The following TVP23A variants were observed in gnomAD, a reference collection of about 807,000 sequenced individuals.
TVP23A encodes the protein Golgi apparatus membrane protein TVP23 homolog A.
A neutral mutation model predicts 31.7 loss-of-function variants in TVP23A; 21 were observed. The ratio of observed to expected loss-of-function variants is 0.66; its 90% CI spans 0.47 to 0.95. The LOEUF is 0.95. Among genes scored for constraint, TVP23A ranks in the 40% least tolerant of loss-of-function variants. TVP23A has a pLI of 0.00. For missense variants in TVP23A, 279 were observed against 255.6 expected (o/e 1.09, Z -0.62); for synonymous variants, 104 against 96.0 (o/e 1.08, Z -0.49).
At position 10,768,058 on chromosome 16, in the gene TVP23A, G is replaced by A. The variant is rs929615014; in HGVS notation, c.*1044C>T. The A allele has an allele frequency of 1.7e-5, 27 of 1,602,298 alleles. No individual in the cohort carries two copies. The highest frequency in any genetic ancestry group is 2.7e-5 in the African/African-American group (2 of 74,610). On this transcript the variant is annotated 3_prime_UTR_variant, in exon 8 of 8. Coordinates refer to ENST00000299866, the MANE Select transcript of TVP23A (RefSeq NM_001079512.4). The surrounding 1 kb of genome is among the most constrained non-coding windows in gnomAD (Gnocchi z 4.3). ...GTAAGTATTTCCATGAGTACTAAAT[G>A]CAGATGCCTGTGGGGCAGGAAGCAA... is the stretch of plus-strand genomic sequence containing the variant.
Position 10,779,918 on chromosome 16 carries a change from G to T in TVP23A, c.90-4822C>A, listed in dbSNP as rs1031294619. On this transcript the variant is annotated intron_variant, in intron 2 of 7. Coordinates refer to ENST00000299866, the MANE Select transcript of TVP23A (RefSeq NM_001079512.4). The surrounding 1 kb of genome is among the most constrained non-coding windows in gnomAD (Gnocchi z 4.9). ...AGCCTGGCCAACATGGCAAAACTCC[G>T]GCTCTAATAAAAATACAAAAATTAG... Among the ~76,000 whole-genome samples the T allele has an allele frequency of 1.3e-5, 2 of 152,008 alleles. No homozygotes were observed. The highest frequency in any genetic ancestry group is 2.4e-5 in the African/African-American group (1 of 41,358).
intron 2 of TVP23A, among the ~76,000 whole-genome samples, chr16:10,783,720 T>C (rs2032563991): frequency 6.6e-6 from 1 of 151,960 alleles, no homozygotes; most frequent in Admixed American, 6.6e-5. Flanking sequence ...GGATAAACCA[T>C]GGTACATCCA....
intron 2 of TVP23A, among the ~76,000 whole-genome samples, chr16:10,813,233 C>T (rs1440446863): frequency 6.6e-6 from 1 of 152,244 alleles, no homozygotes; most frequent in Non-Finnish European, 1.5e-5. Context: ...ATTTTACCGA[C>T]TGGCCAATGG....
intron 2 of TVP23A, among the ~76,000 whole-genome samples, chr16:10,780,412 G>A (rs2032351899): frequency 6.6e-6 from 1 of 152,102 alleles, no homozygotes; most frequent in African/African-American, 2.4e-5. Flanking sequence ...GACCAGGAAA[G>A]ACCTGGGCAC....
At chr16:10,803,188 G>A (rs2142998635) in intron 2 of TVP23A, among the ~76,000 whole-genome samples, 1 of 151,700 alleles carries the variant, frequency 6.6e-6, no homozygotes, top group South Asian at 2.1e-4. Flanking sequence ...GGAGGCTGAG[G>A]CAGGAGAATC....
At chr16:10,817,967 G>C (rs1478379399) in intron 2 of TVP23A, 136 bp downstream of exon 2, 1 of 743,020 alleles carries the variant, frequency 1.3e-6, no homozygotes, top group Non-Finnish European at 2.3e-6. Flanking sequence ...GACTTTGTCT[G>C]ATGTGTCCAC....
chr16:10,804,789 C>G (rs754802461), intron 2 of TVP23A, among the ~76,000 whole-genome samples: 3 of 152,160 alleles, frequency 2.0e-5, no homozygotes, highest in Non-Finnish European at 2.9e-5. Flanking sequence ...TTTTTAAAAA[C>G]CAATTTAGTG....
At chr16:10,780,794 A>G (rs2032374133) in intron 2 of TVP23A, among the ~76,000 whole-genome samples, 1 of 152,084 alleles carries the variant, frequency 6.6e-6, no homozygotes, top group African/African-American at 2.4e-5. Context: ...AGCCATTACC[A>G]TCTCAGTCCT....
chr16:10,803,892 T>C (rs2033824765), intron 2 of TVP23A, among the ~76,000 whole-genome samples: 1 of 152,146 alleles, frequency 6.6e-6, no homozygotes, highest in African/African-American at 2.4e-5. Flanking sequence ...AATTAGACAG[T>C]GGTGATGGGT....
chr16:10,770,256 A>G lies in TVP23A; in HGVS notation c.*16T>C. 6.4e-7 allele frequency: 1 copy of G among 1,550,696 alleles called. No homozygotes were observed. The highest frequency in any genetic ancestry group is 8.7e-7 in the Non-Finnish European group (1 of 1,146,742). On this transcript the variant is annotated intron_variant, in intron 7 of 7. Transcript: ENST00000299866. ...TCCCCAGTTCCTCCACACGGGTGCC[A>G]TGATCCATTTCTCACCTAATGCTGG...
intron 2 of TVP23A, among the ~76,000 whole-genome samples, chr16:10,783,009 C>G (rs2032515215): frequency 6.6e-6 from 1 of 152,164 alleles, no homozygotes; most frequent in Non-Finnish European, 1.5e-5. Flanking sequence ...AATCTACTTT[C>G]AAAAGCTGTT....
Position 10,777,590 on chromosome 16 carries a change from T to G in TVP23A, c.90-2494A>C, listed in dbSNP as rs2032126710. 7.2e-6 allele frequency among the ~76,000 whole-genome samples: 1 copy of G among 139,324 alleles called. No individual in the cohort carries two copies. Among genetic ancestry groups the G allele is most frequent in the African/African-American group, 2.7e-5 (1 of 36,930 alleles). 91.4% of individuals were successfully genotyped at this position (139,324 alleles called of 152,430 possible). Reference sequence around the variant, plus strand: ...TAAGATTCAGAAGCAGACTTCACAGTGACTTTTTTGCGTAGCAAAGCACCA... The same window carrying G: ...TAAGATTCAGAAGCAGACTTCACAGGGACTTTTTTGCGTAGCAAAGCACCA... On this transcript the variant is annotated intron_variant, in intron 2 of 7. Transcript: ENST00000299866. The surrounding 1 kb of genome is among the most constrained non-coding windows in gnomAD (Gnocchi z 4.5).
chr16:10,783,427 G>T (rs945742684), intron 2 of TVP23A, among the ~76,000 whole-genome samples: 19 of 152,180 alleles, frequency 1.2e-4, no homozygotes, highest in African/African-American at 4.1e-4. Flanking sequence ...TGTAATCGCA[G>T]CATTTTGGGA....
At chr16:10,784,787 C>T (rs576459504) in intron 2 of TVP23A, among the ~76,000 whole-genome samples, 98 of 152,192 alleles carry the variant, frequency 6.4e-4, no homozygotes, top group Non-Finnish European at 2.9e-5. Flanking sequence ...AACTTTGCTA[C>T]AAAACTGAAA....
In TVP23A at chr16:10,768,044, C is replaced by T. The variant is rs756175219; in HGVS notation, c.*1058G>A. 2 of 1,612,630 alleles carry T rather than the reference C, an allele frequency of 1.2e-6. No individual in the cohort carries two copies. The highest frequency in any genetic ancestry group is 1.7e-6 in the Non-Finnish European group (2 of 1,178,836). On this transcript the variant is annotated 3_prime_UTR_variant, in exon 8 of 8. Coordinates refer to ENST00000299866, the MANE Select transcript of TVP23A (RefSeq NM_001079512.4). The surrounding 1 kb of genome is among the most constrained non-coding windows in gnomAD (Gnocchi z 4.3). ...AAGTATAATTCAGAGTAAGTATTTCCATGAGTACTAAATGCAGATGCCTGT... is the reference window on the plus strand; with the variant it reads ...AAGTATAATTCAGAGTAAGTATTTCTATGAGTACTAAATGCAGATGCCTGT...
chr16:10,784,277 C>T (rs1411358811), intron 2 of TVP23A, among the ~76,000 whole-genome samples: 1 of 149,808 alleles, frequency 6.7e-6, no homozygotes, highest in Non-Finnish European at 1.5e-5. Context: ...TGCAGTGAGC[C>T]GAGATCTCAC....
At position 10,818,624 on chromosome 16, in the gene TVP23A, C is replaced by T. The variant is rs2034552148; in HGVS notation, c.-131G>A. On this transcript the variant is annotated 5_prime_UTR_variant, in exon 1 of 8. Transcript: ENST00000299866. This position sits in a 1 kb window ranked among gnomAD's most constrained non-coding sequence, Gnocchi z 4.7. Reference sequence around the variant, plus strand: ...GGACGCTGAGGGTCGGGGCCTGCGCCCTGTGGGGCAGCCTCAGCGCAGCTT... The same window carrying T: ...GGACGCTGAGGGTCGGGGCCTGCGCTCTGTGGGGCAGCCTCAGCGCAGCTT... The T allele has an allele frequency of 2.5e-6, 3 of 1,181,246 alleles. No individual in the cohort carries two copies. The highest frequency in any genetic ancestry group is 3.3e-5 in the South Asian group (2 of 60,722). 73.2% of individuals were successfully genotyped at this position (1,181,246 alleles called of 1,614,324 possible).
chr16:10,758,419 G>A (rs1031026634), downstream of TVP23A, among the ~76,000 whole-genome samples: 1 of 152,242 alleles, frequency 6.6e-6, no homozygotes, highest in East Asian at 1.9e-4. Flanking sequence ...GTTGCAGTGA[G>A]CCATGATCAC....
chr16:10,815,064 G>A (rs11644155), intron 2 of TVP23A, among the ~76,000 whole-genome samples: 23,692 of 152,058 alleles, frequency 0.16, 4,592 homozygotes, highest in African/African-American at 0.45. Flanking sequence ...GGCCAGGATA[G>A]GAGCCCCAGC....
Sources: gnomAD v4.1 joint callset for allele counts (sites outside exome capture counted in the v4.1 genomes callset) on GRCh38, gnomAD v4.1.1 for gene constraint, Gnocchi (gnomAD v3.1) non-coding constraint, MANE v1.5 for transcripts, NCBI Gene and HGNC (gene_info 2026-07-23, HGNC 2026-07-21) for gene names.